The following SORCS3 variants were observed in gnomAD, a reference collection of about 807,000 sequenced individuals.
SORCS3 encodes the protein sortilin related VPS10 domain containing receptor 3, also known as VPS10 domain-containing receptor SorCS3.
SORCS3 carries 57 observed loss-of-function variants against 146.3 expected under a neutral mutation model. That is an observed-to-expected ratio of 0.39 (90% CI 0.31 to 0.49). The LOEUF is 0.49. SORCS3 is among the 20% of genes least tolerant of loss of function. SORCS3 has a pLI of 0.92. For missense variants in SORCS3, 1,341 were observed against 1,575.5 expected, an observed-to-expected ratio of 0.85 and a Z score of 2.52; for synonymous variants, 653 against 618.5, an observed-to-expected ratio of 1.06 and a Z score of -0.83.
chr10:104,816,743 A>G (rs1447384227), intron 1 of SORCS3, among the ~76,000 whole-genome samples: 2 of 152,186 alleles, frequency 1.3e-5, no homozygotes, highest in African/African-American at 4.8e-5. Flanking sequence ...GTGACTGGGG[A>G]GGTTCCTTAG....
chr10:104,656,636 C>A (rs991287735), intron 1 of SORCS3, among the ~76,000 whole-genome samples: 1 of 151,616 alleles, frequency 6.6e-6, no homozygotes, highest in East Asian at 1.9e-4. Flanking sequence ...TGCACTCTAA[C>A]CTGGATGACA....
chr10:105,006,584 A>C (rs1013810812), intron 4 of SORCS3, among the ~76,000 whole-genome samples: 1 of 152,162 alleles, frequency 6.6e-6, no homozygotes, highest in African/African-American at 2.4e-5. Context: ...TAGGTCTTCC[A>C]TGGCTCATAA....
rs539279632 is a variant in SORCS3 at position 105,030,085 on chromosome 10, A to G, written c.955-12970A>G. On this transcript the variant is annotated intron_variant, in intron 4 of 26. Transcript: ENST00000369701. The stretch of plus-strand genomic sequence containing the variant: ...TGAGGAATTTAAAGTCTTCTTCAAA[A>G]CAGCCCAGTTAGTTCATTGCTGAAG... Among the ~76,000 whole-genome samples the G allele has an allele frequency of 1.3e-3, 203 of 152,330 alleles. 2 individuals carry two copies. The highest frequency in any genetic ancestry group is 4.6e-3 in the African/African-American group (190 of 41,576).
chr10:104,655,973 T>C (rs751706561), intron 1 of SORCS3, among the ~76,000 whole-genome samples: 3 of 152,208 alleles, frequency 2.0e-5, no homozygotes, highest in Non-Finnish European at 4.4e-5. Context: ...TTTATAGCAA[T>C]GTGAGAATGG....
intron 7 of SORCS3, among the ~76,000 whole-genome samples, chr10:105,118,718 G>T (rs1279628744): frequency 1.3e-5 from 2 of 152,132 alleles, no homozygotes; most frequent in East Asian, 1.9e-4. Flanking sequence ...CTGGAGTAAA[G>T]GTCACTCTTG....
intron 24 of SORCS3, 64 bp downstream of exon 24, chr10:105,255,865 G>A: frequency 2.2e-6 from 3 of 1,334,378 alleles, no homozygotes; most frequent in Non-Finnish European, 3.2e-6. Flanking sequence ...AGAAAAGGAG[G>A]AGAGAATCAT....
At chr10:105,142,558 A>G (rs11192338) in intron 8 of SORCS3, among the ~76,000 whole-genome samples, 12,992 of 152,212 alleles carry the variant, frequency 0.085, 694 homozygotes, top group Admixed American at 0.16. Flanking sequence ...TTGTGTAACC[A>G]ATGGGAGCTG....
chr10:104,981,965 C>T (rs1268947464), intron 4 of SORCS3, among the ~76,000 whole-genome samples: 1 of 152,124 alleles, frequency 6.6e-6, no homozygotes, highest in Non-Finnish European at 1.5e-5. Flanking sequence ...CCACAGTGGT[C>T]TAGAATTGCC....
intron 8 of SORCS3, among the ~76,000 whole-genome samples, chr10:105,141,472 G>C (rs916689348): frequency 6.6e-6 from 1 of 152,158 alleles, no homozygotes; most frequent in Non-Finnish European, 1.5e-5. Flanking sequence ...AGCAAGTTTT[G>C]CTGTTCCATG....
chr10:104,719,143 A>G (rs1471772908), intron 1 of SORCS3, among the ~76,000 whole-genome samples: 1 of 152,190 alleles, frequency 6.6e-6, no homozygotes, highest in Non-Finnish European at 1.5e-5. Flanking sequence ...TTTGACACCT[A>G]AGCCCATCTC....
chr10:105,191,754 T>C (rs1206940263), intron 14 of SORCS3, among the ~76,000 whole-genome samples: 2 of 152,098 alleles, frequency 1.3e-5, no homozygotes, highest in East Asian at 3.9e-4. Flanking sequence ...CCTAGATCCT[T>C]TGCATGTACA....
intron 7 of SORCS3, 125 bp downstream of exon 7, chr10:105,105,640 G>T (rs1295728188): frequency 7.0e-6 from 5 of 715,760 alleles, no homozygotes; most frequent in African/African-American, 1.7e-5. Context: ...TCCCTCCTTT[G>T]CTTCAGGGAC....
intron 5 of SORCS3, among the ~76,000 whole-genome samples, chr10:105,064,730 G>A (rs1222750829): frequency 6.6e-6 from 1 of 152,026 alleles, no homozygotes; most frequent in Non-Finnish European, 1.5e-5. Context: ...AGGTAGGGAA[G>A]GAGATAAAAA....
At chr10:105,228,730 GC>G (rs2056749297) in intron 20 of SORCS3, among the ~76,000 whole-genome samples, 1 of 152,030 alleles carries the variant, frequency 6.6e-6, no homozygotes, top group Non-Finnish European at 1.5e-5. Flanking sequence ...TTGAATGGGG[GC>G]TCATTTATAA....
intron 5 of SORCS3, among the ~76,000 whole-genome samples, chr10:105,044,482 C>T (rs2055356454): frequency 6.6e-6 from 1 of 152,116 alleles, no homozygotes; most frequent in African/African-American, 2.4e-5. Flanking sequence ...CCCTTAAAAA[C>T]TCATGTGATA....
At chr10:104,727,830 T>C (rs577064027) in intron 1 of SORCS3, among the ~76,000 whole-genome samples, 140 of 152,212 alleles carry the variant, frequency 9.2e-4, no homozygotes, top group Admixed American at 2.4e-3. Flanking sequence ...AACCTTACTG[T>C]GAACTGTGCA....
At chr10:104,885,308 A>G (rs1387297443) in intron 2 of SORCS3, among the ~76,000 whole-genome samples, 5 of 152,228 alleles carry the variant, frequency 3.3e-5, no homozygotes, top group African/African-American at 1.2e-4. Context: ...GATCTCAAGG[A>G]CAGCAGATTT....
At chr10:105,242,639 T>C (rs1327057401) in intron 20 of SORCS3, among the ~76,000 whole-genome samples, 1 of 84,524 alleles carries the variant, frequency 1.2e-5, no homozygotes, top group African/African-American at 4.9e-5. Flanking sequence ...TATATACATT[T>C]ATATATATAT....
chr10:105,085,806 T>G (rs2055656431), intron 5 of SORCS3, among the ~76,000 whole-genome samples: 1 of 152,154 alleles, frequency 6.6e-6, no homozygotes, highest in Non-Finnish European at 1.5e-5. Flanking sequence ...GACTCTCTGA[T>G]TCTCTAGATG....
Sources: gnomAD v4.1 joint callset for allele counts (sites outside exome capture counted in the v4.1 genomes callset) on GRCh38, gnomAD v4.1.1 for gene constraint, MANE v1.5 for transcripts, NCBI Gene and HGNC (gene_info 2026-07-23, HGNC 2026-07-21) for gene names.